The following RBFOX3 variants were observed in gnomAD, a reference collection of about 807,000 sequenced individuals.
The protein encoded by RBFOX3 is RNA binding fox-1 homolog 3.
In RBFOX3, 17 loss-of-function variants were observed where a neutral mutation model predicts 48.7. The observed-to-expected ratio is 0.35, with a 90% CI of 0.24 to 0.52. The LOEUF is 0.52. RBFOX3 is among the 20% of genes least tolerant of loss of function. The pLI is 0.94. For missense variants in RBFOX3, 382 were observed against 497.5 expected (o/e 0.77, Z 2.21); for synonymous variants, 212 against 209.5 (o/e 1.01, Z -0.10).
intron 4 of RBFOX3, among the ~76,000 whole-genome samples, chr17:79,213,274 C>T (rs866157359): frequency 5.3e-5 from 8 of 151,976 alleles, no homozygotes; most frequent in Middle Eastern, 3.2e-3. Context: ...CAGGTGGCTC[C>T]CTCGCCTCCC....
intron 12 of RBFOX3, among the ~76,000 whole-genome samples, chr17:79,095,859 T>A (rs557508665): frequency 6.6e-6 from 1 of 152,262 alleles, no homozygotes; most frequent in South Asian, 2.1e-4. Context: ...CATTCACACA[T>A]CCATCTGTGC....
At chr17:79,337,186 T>G (rs1291422529) in intron 2 of RBFOX3, among the ~76,000 whole-genome samples, 3 of 152,084 alleles carry the variant, frequency 2.0e-5, no homozygotes, top group Non-Finnish European at 2.9e-5. Flanking sequence ...AAGGACCACG[T>G]CATCTTGGCT....
chr17:79,101,167 C>T (rs1403006921), intron 9 of RBFOX3, among the ~76,000 whole-genome samples: 2 of 152,208 alleles, frequency 1.3e-5, no homozygotes, highest in African/African-American at 4.8e-5. Context: ...CGTGCCCTCA[C>T]TGCCCTCCCT....
intron 1 of RBFOX3, among the ~76,000 whole-genome samples, chr17:79,558,443 C>T (rs1030199384): frequency 6.6e-6 from 1 of 152,132 alleles, no homozygotes; most frequent in South Asian, 2.1e-4. Flanking sequence ...AGCTGAGGGG[C>T]GGGGCTGAGG....
intron 1 of RBFOX3, among the ~76,000 whole-genome samples, chr17:79,541,132 G>C (rs1555790167): frequency 2.7e-5 from 4 of 150,458 alleles, no homozygotes. Flanking sequence ...AAAATCATCA[G>C]AATAAAAAGA....
intron 2 of RBFOX3, among the ~76,000 whole-genome samples, chr17:79,342,846 C>T (rs1319730633): frequency 6.6e-6 from 1 of 152,158 alleles, no homozygotes; most frequent in Non-Finnish European, 1.5e-5. Flanking sequence ...CACTTTACAA[C>T]GGGGCTTGTC....
chr17:79,553,440 C>T (rs1470297652), intron 1 of RBFOX3, among the ~76,000 whole-genome samples: 2 of 152,038 alleles, frequency 1.3e-5, no homozygotes, highest in African/African-American at 4.8e-5. Context: ...TATTTTTGTA[C>T]AATATTTGTC....
At chr17:79,663,139 G>A in the RBFOX3 span, among the ~76,000 whole-genome samples, 1 of 152,176 alleles carries the variant, frequency 6.6e-6, no homozygotes, top group African/African-American at 2.4e-5. Context: ...GAGGAGACAT[G>A]GCTGTCAACA....
intron 3 of RBFOX3, among the ~76,000 whole-genome samples, chr17:79,292,451 C>T (rs186686203): frequency 6.6e-6 from 1 of 152,208 alleles, no homozygotes; most frequent in Non-Finnish European, 1.5e-5. Context: ...TGGCACCAGT[C>T]ACTAGCATGT....
At chr17:79,226,775 G>A (rs947083721) in intron 4 of RBFOX3, among the ~76,000 whole-genome samples, 4 of 152,228 alleles carry the variant, frequency 2.6e-5, no homozygotes, top group Admixed American at 1.3e-4. Flanking sequence ...CTGGCACACA[G>A]GTATTGGATA....
chr17:79,419,137 C>G (rs782222079), intron 2 of RBFOX3, among the ~76,000 whole-genome samples: 13 of 152,322 alleles, frequency 8.5e-5, no homozygotes, highest in South Asian at 6.2e-4. Flanking sequence ...GCCCCCTCCT[C>G]ACCTCTGTGG....
chr17:79,216,614 T>C (rs1600062393), intron 4 of RBFOX3, among the ~76,000 whole-genome samples: 1 of 152,074 alleles, frequency 6.6e-6, no homozygotes, highest in Non-Finnish European at 1.5e-5. Flanking sequence ...CCACGGCTGG[T>C]GTGGGCTTCT....
chr17:79,092,814 T>A (rs953571190), intron 14 of RBFOX3, among the ~76,000 whole-genome samples: 1 of 151,822 alleles, frequency 6.6e-6, no homozygotes, highest in Non-Finnish European at 1.5e-5. Context: ...ACAGGAAGAG[T>A]AGGACCTGCC....
At position 79,283,181 on chromosome 17, in the gene RBFOX3, C is replaced by T. The variant is rs1025155322; in HGVS notation, c.-74+24543G>A. ...CTCCGTTAGTAGGTTTTGCTTCCTT[C>T]GTGGTTTCGTGTTCATAGCTTCTAG... On this transcript the variant is annotated intron_variant, in intron 3 of 14. Coordinates refer to ENST00000693108, the MANE Select transcript of RBFOX3 (RefSeq NM_001350451.2). 9.2e-5 allele frequency among the ~76,000 whole-genome samples: 14 copies of T among 151,832 alleles called. No homozygotes were observed. The South Asian group carries it at 1.0e-3, about 11-fold the overall frequency.
At chr17:79,117,067 C>T (rs943584805) in intron 4 of RBFOX3, among the ~76,000 whole-genome samples, 4 of 152,196 alleles carry the variant, frequency 2.6e-5, no homozygotes, top group Admixed American at 1.3e-4. Context: ...AAGGTGCAGG[C>T]GGAGGCGGCA....
At chr17:79,197,555 ATTT>A (rs61699209) in intron 4 of RBFOX3, among the ~76,000 whole-genome samples, 1 of 149,300 alleles carries the variant, frequency 6.7e-6, no homozygotes, top group African/African-American at 2.5e-5. Flanking sequence ...CATCCTGCCA[ATTT>A]TTTTTTTTGT....
chr17:79,626,799 G>A, the RBFOX3 span, among the ~76,000 whole-genome samples: 8 of 152,216 alleles, frequency 5.3e-5, no homozygotes, highest in Non-Finnish European at 1.2e-4. Flanking sequence ...GGGGAGTCCC[G>A]AGAGAGAAGG....
intron 2 of RBFOX3, among the ~76,000 whole-genome samples, chr17:79,341,709 C>T (rs148582192): frequency 3.5e-4 from 52 of 149,058 alleles, no homozygotes; most frequent in African/African-American, 1.3e-3. Context: ...AGCCAGGGAG[C>T]GTCTCCCTTG....
chr17:79,125,561 G>C (rs1252612837), intron 4 of RBFOX3, among the ~76,000 whole-genome samples: 1 of 152,224 alleles, frequency 6.6e-6, no homozygotes, highest in Non-Finnish European at 1.5e-5. Flanking sequence ...AGCTCAGGGA[G>C]CAGGCGGCAA....
Sources: gnomAD v4.1 joint callset for allele counts (sites outside exome capture counted in the v4.1 genomes callset) on GRCh38, gnomAD v4.1.1 for gene constraint, MANE v1.5 for transcripts, NCBI Gene and HGNC (gene_info 2026-07-23, HGNC 2026-07-21) for gene names.